Variants in PRDM11 observed in about 807,000 individuals in gnomAD.
PRDM11 encodes PR/SET domain 11.
A neutral mutation model predicts 97.8 loss-of-function variants in PRDM11; 20 were observed. That is an observed-to-expected ratio of 0.20 (90% CI 0.14 to 0.30). PRDM11 has a LOEUF of 0.30. Ranked by LOEUF, PRDM11 falls within the 10% of genes least tolerant of loss-of-function variation. The pLI, the probability that PRDM11 is intolerant of heterozygous loss-of-function variation, is 1.00. For missense variants in PRDM11, 1,139 were observed against 1,555.2 expected (o/e 0.73, Z 4.50); for synonymous variants, 599 against 637.7 (o/e 0.94, Z 0.91).
intron 4 of PRDM11, among the ~76,000 whole-genome samples, chr11:45,192,975 A>T (rs1852968899): frequency 6.6e-6 from 1 of 152,230 alleles, no homozygotes. Flanking sequence ...ACACAGCAAG[A>T]GTCTTTGGAG....
chr11:45,179,004 G>A (rs1011807176), intron 1 of PRDM11, among the ~76,000 whole-genome samples: 38 of 152,192 alleles, frequency 2.5e-4, no homozygotes, highest in Admixed American at 7.2e-4. Flanking sequence ...GGGTGTTTTT[G>A]GTGGCAGTTG....
At chr11:45,101,051 G>T (rs1851965802) in intron 1 of PRDM11, among the ~76,000 whole-genome samples, 2 of 152,102 alleles carry the variant, frequency 1.3e-5, no homozygotes, top group Admixed American at 1.3e-4. Flanking sequence ...TTGGAAGTGG[G>T]GGGGTGGGGA....
chr11:45,209,437 C>T (rs1853637979), intron 5 of PRDM11: 2 of 309,540 alleles, frequency 6.5e-6, no homozygotes, highest in Non-Finnish European at 1.3e-5. Context: ...CCTCCTTCTC[C>T]CACTCTTCTC....
At chr11:45,097,347 C>T (rs1360587123) in intron 1 of PRDM11, among the ~76,000 whole-genome samples, 3 of 152,216 alleles carry the variant, frequency 2.0e-5, no homozygotes, top group African/African-American at 4.8e-5. Context: ...ACAGGCTTCT[C>T]TATCAAGTAA....
chr11:45,094,458 G>A (rs1208678640), upstream of PRDM11, among the ~76,000 whole-genome samples: 2 of 151,878 alleles, frequency 1.3e-5, no homozygotes, highest in East Asian at 3.9e-4. Flanking sequence ...GAGGCTGAGA[G>A]AGCAGGAGAA....
At chr11:45,166,129 G>A (rs1852058570) in intron 1 of PRDM11, among the ~76,000 whole-genome samples, 1 of 152,184 alleles carries the variant, frequency 6.6e-6, no homozygotes, top group African/African-American at 2.4e-5. Context: ...GAATTTATGG[G>A]CTCAGCAGAA....
intron 1 of PRDM11, among the ~76,000 whole-genome samples, chr11:45,180,319 C>T (rs111425265): frequency 1.8e-4 from 28 of 152,240 alleles, no homozygotes; most frequent in Non-Finnish European, 3.4e-4. Flanking sequence ...CAGGTGCGGC[C>T]GCGGCTGAGC....
In PRDM11 at chr11:45,228,935, C is replaced by T. The variant is rs1396846920; in HGVS notation, c.*776C>T. The T allele has an allele frequency of 6.6e-6, 1 of 152,144 alleles. No individual in the cohort carries two copies. 9.4% of individuals were successfully genotyped at this position (152,144 alleles called of 1,614,324 possible). The stretch of plus-strand genomic sequence containing the variant: ...ATATTACCCATTATACTGAAGGCAA[C>T]ATTGCCTCACCGCTGAGCTTGAAAT... On this transcript the variant is annotated 3_prime_UTR_variant, in exon 8 of 8. Transcript: ENST00000683152.
Position 45,224,180 on chromosome 11 carries a change from T to C in PRDM11, c.743-37T>C, listed in dbSNP as rs374223115. On this transcript the variant is annotated intron_variant, in intron 6 of 7. Transcript: ENST00000683152. ...CTGTTGGTTTCTCCAATTTGGGGGT[T>C]TTCCCCATTTCCTTACACCCTGGTT... is the stretch of plus-strand genomic sequence containing the variant. 3.3e-6 allele frequency: 5 copies of C among 1,527,664 alleles called. No individual in the cohort carries two copies. In the African/African-American group the frequency reaches 4.2e-5, roughly 13 times the overall value. 94.6% of individuals were successfully genotyped at this position (1,527,664 alleles called of 1,614,324 possible).
At chr11:45,151,407 A>G (rs1329726832) in intron 1 of PRDM11, among the ~76,000 whole-genome samples, 2 of 152,246 alleles carry the variant, frequency 1.3e-5, no homozygotes, top group Admixed American at 6.5e-5. Context: ...CTGTGTTGAA[A>G]AGGCCAATGT....
intron 4 of PRDM11, among the ~76,000 whole-genome samples, chr11:45,192,203 A>G (rs561271018): frequency 6.6e-6 from 1 of 152,270 alleles, no homozygotes; most frequent in Non-Finnish European, 1.5e-5. Flanking sequence ...TCAGGTGGGG[A>G]TGGTATTAAT....
intron 5 of PRDM11, among the ~76,000 whole-genome samples, chr11:45,205,735 C>G (rs1853486277): frequency 6.6e-6 from 1 of 152,118 alleles, no homozygotes. Context: ...ACTTTCTAAG[C>G]AAATGAGGAG....
intron 5 of PRDM11, chr11:45,213,582 C>T (rs1163048538): frequency 2.2e-6 from 1 of 456,440 alleles, no homozygotes; most frequent in East Asian, 7.0e-5. Context: ...GCTGTGCTTG[C>T]CTTTTTTGGA....
In PRDM11 at chr11:45,220,270, T is replaced by C. The variant is rs374778373; in HGVS notation, c.742+513T>C. Among the ~76,000 whole-genome samples, 7 of 152,338 alleles carry C rather than the reference T, an allele frequency of 4.6e-5. No homozygotes were observed. The South Asian group carries it at 8.3e-4, about 18-fold the overall frequency. ...AAGAAATGACCTTTCATTTTTTCAG[T>C]TACCTGCAATATCTGGTGTTGATAT... On this transcript the variant is annotated intron_variant, in intron 6 of 7. Transcript: ENST00000683152.
At chr11:45,148,713 T>A in intron 1 of PRDM11, among the ~76,000 whole-genome samples, 1 of 152,194 alleles carries the variant, frequency 6.6e-6, no homozygotes, top group African/African-American at 2.4e-5. Context: ...ATCAATTTCT[T>A]CTCCTTGGTG....
intron 4 of PRDM11, among the ~76,000 whole-genome samples, chr11:45,198,719 G>T (rs1317492316): frequency 6.6e-6 from 1 of 152,210 alleles, no homozygotes; most frequent in Non-Finnish European, 1.5e-5. Flanking sequence ...CAGAGGCAAA[G>T]CTGGAAGTTC....
intron 1 of PRDM11, among the ~76,000 whole-genome samples, chr11:45,124,796 TTC>T (rs1946468359): frequency 6.6e-6 from 1 of 152,234 alleles, no homozygotes; most frequent in Non-Finnish European, 1.5e-5. Context: ...TGGTCTAACA[TTC>T]TCTGTTTTGG....
chr11:45,225,134 C>T, intron 7 of PRDM11: 1 of 1,402,130 alleles, frequency 7.1e-7, no homozygotes, highest in Non-Finnish European at 9.2e-7. Context: ...TTCTCTGGTA[C>T]TGGTGTCTTA....
chr11:45,209,475 C>T (rs562596441), intron 5 of PRDM11, among the ~76,000 whole-genome samples: 7 of 152,304 alleles, frequency 4.6e-5, no homozygotes, highest in Admixed American at 2.0e-4. Context: ...CATTCATTCT[C>T]GAATATTTAC....
Sources: gnomAD v4.1 joint callset for allele counts (sites outside exome capture counted in the v4.1 genomes callset) on GRCh38, gnomAD v4.1.1 for gene constraint, MANE v1.5 for transcripts, NCBI Gene and HGNC (gene_info 2026-07-23, HGNC 2026-07-21) for gene names.